Variants in RIT2 observed in about 807,000 individuals in gnomAD.
RIT2 encodes the protein GTP-binding protein Rit2.
In RIT2, 24 loss-of-function variants were observed where a neutral mutation model predicts 23.7. That is an observed-to-expected ratio of 1.01 (90% CI 0.73 to 1.43). The LOEUF is 1.43. Among genes scored for constraint, RIT2 ranks in the 40% most tolerant of loss-of-function variants. The probability of loss-of-function intolerance (pLI) is 0.00; values close to 1 mark genes in which losing one functional copy is unlikely to be tolerated. For missense variants in RIT2, 236 were observed against 266.9 expected, an observed-to-expected ratio of 0.88 and a Z score of 0.81; for synonymous variants, 107 against 91.1, an observed-to-expected ratio of 1.17 and a Z score of -0.99.
At chr18:42,939,934 C>T (rs146278148) in intron 3 of RIT2, among the ~76,000 whole-genome samples, 7 of 151,952 alleles carry the variant, frequency 4.6e-5, no homozygotes, top group East Asian at 3.9e-4. Context: ...TACATGTACA[C>T]GGCAATTTGC....
At chr18:42,949,043 A>C (rs1909789397) in intron 3 of RIT2, 1 of 397,558 alleles carries the variant, frequency 2.5e-6, no homozygotes, top group Non-Finnish European at 4.4e-6. Flanking sequence ...TCAGCCAGTC[A>C]CACAGCTGGG....
At chr18:42,839,585 G>T (rs1404870475) in intron 4 of RIT2, among the ~76,000 whole-genome samples, 2 of 152,124 alleles carry the variant, frequency 1.3e-5, no homozygotes, top group East Asian at 3.9e-4. Flanking sequence ...ACAAAGTCCT[G>T]TCTTCATGGT....
intron 1 of RIT2, among the ~76,000 whole-genome samples, chr18:43,066,514 T>C (rs1208545243): frequency 6.6e-6 from 1 of 152,186 alleles, no homozygotes; most frequent in Non-Finnish European, 1.5e-5. Flanking sequence ...TTCATTAAAC[T>C]AGTCTATCAA....
At chr18:43,098,729 G>T (rs552052556) in intron 1 of RIT2, among the ~76,000 whole-genome samples, 1 of 152,030 alleles carries the variant, frequency 6.6e-6, no homozygotes, top group South Asian at 2.1e-4. Context: ...TCATTGGAAG[G>T]CCACTGTACT....
chr18:42,880,945 T>A (rs1164811041), intron 4 of RIT2, among the ~76,000 whole-genome samples: 2 of 151,804 alleles, frequency 1.3e-5, no homozygotes, highest in African/African-American at 2.4e-5. Context: ...GTAGCTGGGA[T>A]TACAGACATG....
At chr18:42,752,939 A>G (rs190106504) in intron 4 of RIT2, among the ~76,000 whole-genome samples, 1 of 152,210 alleles carries the variant, frequency 6.6e-6, no homozygotes. Flanking sequence ...GTTTCATACA[A>G]GTAATAGAAA....
chr18:42,806,850 T>C (rs904339125), intron 4 of RIT2, among the ~76,000 whole-genome samples: 7 of 152,224 alleles, frequency 4.6e-5, no homozygotes, highest in South Asian at 2.1e-4. Flanking sequence ...ATTTCTCTAA[T>C]AGCTGAGTCC....
chr18:42,773,811 A>G (rs181963610), intron 4 of RIT2, among the ~76,000 whole-genome samples: 1 of 152,180 alleles, frequency 6.6e-6, no homozygotes, highest in Admixed American at 6.5e-5. Context: ...GAGATGACAG[A>G]AGAGTTGGCA....
intron 4 of RIT2, among the ~76,000 whole-genome samples, chr18:42,787,674 C>A (rs1433998795): frequency 1.3e-5 from 2 of 152,018 alleles, no homozygotes; most frequent in Non-Finnish European, 2.9e-5. Flanking sequence ...ATTAAATCGG[C>A]TTATAGGAGA....
At chr18:43,065,302 C>T (rs1035926278) in intron 1 of RIT2, among the ~76,000 whole-genome samples, 2 of 144,336 alleles carry the variant, frequency 1.4e-5, no homozygotes, top group African/African-American at 5.2e-5. Flanking sequence ...ACAATTATAG[C>T]TCACTGTAGT....
chr18:42,968,246 C>T (rs891905047), intron 3 of RIT2, among the ~76,000 whole-genome samples: 1 of 152,088 alleles, frequency 6.6e-6, no homozygotes, highest in African/African-American at 2.4e-5. Context: ...AGGAGAGCTA[C>T]TAGTTTGTGG....
chr18:42,989,517 T>C (rs1161773821), intron 2 of RIT2, among the ~76,000 whole-genome samples: 2 of 152,242 alleles, frequency 1.3e-5, no homozygotes, highest in Admixed American at 6.5e-5. Flanking sequence ...TTTGAATGTC[T>C]GCAAGCAATA....
chr18:42,926,805 A>AT (rs1909190698), intron 3 of RIT2, among the ~76,000 whole-genome samples: 1 of 151,928 alleles, frequency 6.6e-6, no homozygotes, highest in African/African-American at 2.4e-5. Context: ...TTTGTTTTGC[A>AT]CCTCTCTGTA....
chr18:42,795,617 G>A (rs910503763), intron 4 of RIT2, among the ~76,000 whole-genome samples: 1 of 152,258 alleles, frequency 6.6e-6, no homozygotes, highest in Non-Finnish European at 1.5e-5. Flanking sequence ...AGAACTGCGG[G>A]CGCGGCACGG....
intron 3 of RIT2, among the ~76,000 whole-genome samples, chr18:42,955,160 T>A (rs1568039070): frequency 6.6e-6 from 1 of 152,130 alleles, no homozygotes; most frequent in Non-Finnish European, 1.5e-5. Context: ...TCAAGCTGTT[T>A]CAAAACAGTC....
At chr18:42,792,910 A>C (rs140039584) in intron 4 of RIT2, among the ~76,000 whole-genome samples, 177 of 152,242 alleles carry the variant, frequency 1.2e-3, no homozygotes, top group African/African-American at 4.1e-3. Context: ...CTCCTGTGCA[A>C]AACTGCAGTG....
intron 1 of RIT2, among the ~76,000 whole-genome samples, chr18:43,093,340 C>G (rs1289022515): frequency 6.6e-6 from 1 of 152,028 alleles, no homozygotes; most frequent in African/African-American, 2.4e-5. Flanking sequence ...AATGGCAAAG[C>G]CTAACAGCTA....
intron 1 of RIT2, among the ~76,000 whole-genome samples, chr18:43,042,916 C>A (rs1568064793): frequency 6.6e-6 from 1 of 151,948 alleles, no homozygotes; most frequent in Non-Finnish European, 1.5e-5. Context: ...AATTCTATGA[C>A]AATTAGATAA....
At chr18:43,024,711 AAC>A (rs776310613) in intron 2 of RIT2, among the ~76,000 whole-genome samples, 68 of 81,554 alleles carry the variant, frequency 8.3e-4, no homozygotes, top group East Asian at 7.2e-4. Flanking sequence ...TCAAACAAAC[AAC>A]AACAACAACA....
Sources: allele counts gnomAD v4.1 joint callset (sites outside exome capture counted in the v4.1 genomes callset), GRCh38; gene constraint gnomAD v4.1.1; transcripts MANE v1.5; gene names NCBI Gene and HGNC (gene_info 2026-07-23, HGNC 2026-07-21).